Variants in LPP observed in about 807,000 individuals in gnomAD.
LPP encodes the protein LIM domain containing preferred translocation partner in lipoma.
LPP carries 38 observed loss-of-function variants against 60.4 expected under a neutral mutation model. That is an observed-to-expected ratio of 0.63 (90% CI 0.49 to 0.83). The LOEUF (loss-of-function observed/expected upper bound fraction) is 0.83. LPP is among the 40% of genes least tolerant of loss of function. The probability of loss-of-function intolerance (pLI) is 0.00; values close to 1 mark genes in which losing one functional copy is unlikely to be tolerated. For synonymous variants in LPP, 328 were observed against 290.8 expected (o/e 1.13, Z -1.30); for missense variants, 902 against 783.6 (o/e 1.15, Z -1.80).
chr3:188,669,742 A>T (rs1475335519), intron 7 of LPP, among the ~76,000 whole-genome samples: 52 of 152,206 alleles, frequency 3.4e-4, no homozygotes, highest in Admixed American at 3.4e-3. Flanking sequence ...TGGCCCAGCC[A>T]TCCCATTACT....
chr3:188,592,512 C>T (rs1219030761), intron 6 of LPP, among the ~76,000 whole-genome samples: 1 of 149,302 alleles, frequency 6.7e-6, no homozygotes, highest in African/African-American at 2.5e-5. Flanking sequence ...GTTATTACTT[C>T]TCATATTTTC....
intron 5 of LPP, among the ~76,000 whole-genome samples, chr3:188,507,185 A>G (rs1187618818): frequency 6.6e-6 from 1 of 152,122 alleles, no homozygotes; most frequent in Non-Finnish European, 1.5e-5. Context: ...CGACTGTGCA[A>G]TAGGAATTCT....
In LPP at chr3:188,492,091, C is replaced by CA. The variant is rs1293003079; in HGVS notation, c.306+7395dup. On this transcript the variant is annotated intron_variant, in intron 5 of 11. Transcript: ENST00000617246. Reference sequence around the variant, plus strand: ...AGTGAAAGATTGGTTAACTGCTCGACAAAAAAAAGTCTTGTGGGGAATTGA... The same window carrying CA: ...AGTGAAAGATTGGTTAACTGCTCGACAAAAAAAAAGTCTTGTGGGGAATTGA... Among the ~76,000 whole-genome samples the CA allele has an allele frequency of 9.9e-5, 15 of 151,680 alleles. No individual in the cohort carries two copies. The South Asian group carries it at 2.3e-3, about 23-fold the overall frequency.
At chr3:188,239,891 A>C (rs547496938) in intron 2 of LPP, 2 of 208,894 alleles carry the variant, frequency 9.6e-6, no homozygotes, top group South Asian at 1.9e-4. Context: ...ATTTCTAATG[A>C]AATTTCAGGC....
Position 188,464,316 on chromosome 3 carries a change from T to C in LPP, c.194-20276T>C, listed in dbSNP as rs184577145. On this transcript the variant is annotated intron_variant, in intron 4 of 11. Transcript: ENST00000617246. ...GGTAGCTGCTAGCCCCATGTGACCA[T>C]TTGAAGTTGAATTTAAATCTACATT... Among the ~76,000 whole-genome samples the C allele has an allele frequency of 1.3e-3, 194 of 152,312 alleles. 7 individuals carry two copies. In the South Asian group the frequency reaches 0.039, roughly 31 times the overall value.
intron 4 of LPP, among the ~76,000 whole-genome samples, chr3:188,416,467 G>A (rs1314961334): frequency 2.6e-5 from 4 of 152,150 alleles, no homozygotes; most frequent in Non-Finnish European, 4.4e-5. Flanking sequence ...CTCAACCAAC[G>A]TTTGGGAACC....
At chr3:188,862,485 T>C (rs1338109612) in intron 9 of LPP, among the ~76,000 whole-genome samples, 1 of 152,040 alleles carries the variant, frequency 6.6e-6, no homozygotes, top group East Asian at 1.9e-4. Flanking sequence ...AGGCATTCTC[T>C]AAGCAAAGTA....
chr3:188,701,521 G>T (rs1864404835), intron 7 of LPP, among the ~76,000 whole-genome samples: 1 of 152,240 alleles, frequency 6.6e-6, no homozygotes, highest in Non-Finnish European at 1.5e-5. Context: ...GCCAGCGAGT[G>T]ACTTATCTCC....
chr3:188,668,763 C>A (rs1856338674), intron 7 of LPP, among the ~76,000 whole-genome samples: 1 of 152,178 alleles, frequency 6.6e-6, no homozygotes. Context: ...CTAGGAAATA[C>A]TCCAAAGTAA....
intron 3 of LPP, among the ~76,000 whole-genome samples, chr3:188,359,248 T>C (rs1768520572): frequency 6.6e-6 from 1 of 151,416 alleles, no homozygotes; most frequent in Admixed American, 6.6e-5. Flanking sequence ...CCTATAGAAA[T>C]TGTTATGTGT....
At chr3:188,665,330 A>G (rs529632522) in intron 7 of LPP, among the ~76,000 whole-genome samples, 2 of 152,330 alleles carry the variant, frequency 1.3e-5, no homozygotes, top group African/African-American at 4.8e-5. Flanking sequence ...TATTAGGAAA[A>G]AGGAAAGAAT....
intron 9 of LPP, among the ~76,000 whole-genome samples, chr3:188,787,539 A>G (rs1183615878): frequency 6.6e-6 from 1 of 152,116 alleles, no homozygotes; most frequent in Admixed American, 6.6e-5. Flanking sequence ...ACACTTCTGA[A>G]CATCACCAGT....
chr3:188,768,118 T>C (rs1577428230), intron 9 of LPP, among the ~76,000 whole-genome samples: 1 of 152,092 alleles, frequency 6.6e-6, no homozygotes, highest in African/African-American at 2.4e-5. Context: ...AAATCTAAAG[T>C]ACAGGTGAAA....
chr3:188,268,557 TTTGA>T (rs1315776438), intron 2 of LPP, among the ~76,000 whole-genome samples: 1 of 152,226 alleles, frequency 6.6e-6, no homozygotes, highest in Admixed American at 6.6e-5. Context: ...GTTGGCTGTC[TTTGA>T]TTGGCTGAAA....
intron 2 of LPP, among the ~76,000 whole-genome samples, chr3:188,281,762 T>C (rs1577822315): frequency 1.3e-5 from 2 of 152,180 alleles, no homozygotes; most frequent in Admixed American, 6.5e-5. Flanking sequence ...CAATTTGCCA[T>C]GTGTCTAGTT....
At chr3:188,840,486 C>G (rs1164585491) in intron 9 of LPP, among the ~76,000 whole-genome samples, 1 of 152,112 alleles carries the variant, frequency 6.6e-6, no homozygotes, top group Non-Finnish European at 1.5e-5. Context: ...TTAGCTCTGT[C>G]AACCCCACAC....
At position 188,879,050 on chromosome 3, in the gene LPP, C is replaced by A. The variant is rs1323785772; in HGVS notation, c.*4571C>A. On this transcript the variant is annotated 3_prime_UTR_variant, in exon 12 of 12. Coordinates refer to ENST00000617246, the MANE Select transcript of LPP (RefSeq NM_001375462.1). ...TGTATTTGCTTAATAGTGGTCCAGA[C>A]AAGTTCAAAACTTGTTCTCAGTGAG... The A allele has an allele frequency of 4.4e-6, 1 of 228,386 alleles. No individual in the cohort carries two copies. The allele number at this position is 228,386 out of a possible 1,614,324, so 14.1% of individuals were successfully genotyped here. A position where few individuals can be genotyped will look rare whatever the true frequency, so the allele number is the denominator to read the frequency against.
chr3:188,817,732 A>G (rs969208436), intron 9 of LPP, among the ~76,000 whole-genome samples: 16 of 152,328 alleles, frequency 1.1e-4, no homozygotes, highest in Non-Finnish European at 1.8e-4. Flanking sequence ...TATACAGAAC[A>G]AAAATGGAAA....
intron 2 of LPP, among the ~76,000 whole-genome samples, chr3:188,272,834 TA>T (rs1306231796): frequency 3.9e-5 from 6 of 152,350 alleles, no homozygotes; most frequent in Non-Finnish European, 1.5e-5. Flanking sequence ...TGACTATGAC[TA>T]ATCCTTTGGG....
Sources: allele counts gnomAD v4.1 joint callset (sites outside exome capture counted in the v4.1 genomes callset), GRCh38; gene constraint gnomAD v4.1.1; transcripts MANE v1.5; gene names NCBI Gene and HGNC (gene_info 2026-07-23, HGNC 2026-07-21).